The following FLRT1 variants were observed in gnomAD, a reference collection of about 807,000 sequenced individuals.
FLRT1 encodes leucine-rich repeat transmembrane protein FLRT1.
Under a neutral mutation model 30.9 loss-of-function variants are expected in FLRT1, and 14 were observed. That is an observed-to-expected ratio of 0.45 (90% CI 0.30 to 0.71). The LOEUF is 0.71. FLRT1 is among the 30% of genes least tolerant of loss of function. FLRT1 has a pLI of 0.08. For synonymous variants in FLRT1, 368 were observed against 430.4 expected, an observed-to-expected ratio of 0.85 and a Z score of 1.80; for missense variants, 737 against 949.2, an observed-to-expected ratio of 0.78 and a Z score of 2.94.
chr11:64,079,642 C>G (rs1944269797), intron 1 of FLRT1, among the ~76,000 whole-genome samples: 1 of 152,182 alleles, frequency 6.6e-6, no homozygotes, highest in Admixed American at 6.5e-5. Context: ...CTAGAGGCCC[C>G]TCACTCAAAG....
intron 1 of FLRT1, among the ~76,000 whole-genome samples, chr11:64,094,225 G>A (rs755551377): frequency 7.2e-5 from 11 of 152,206 alleles, no homozygotes; most frequent in Non-Finnish European, 1.5e-4. Context: ...AAGGTCAGGA[G>A]TTCAAGACCA....
chr11:64,117,077 C>A lies in FLRT1; in HGVS notation c.810C>A (p.Ala270=), dbSNP rs1166864086. The A allele has an allele frequency of 6.2e-7, 1 of 1,602,722 alleles. No individual in the cohort carries two copies. Among genetic ancestry groups the A allele is most frequent in the Non-Finnish European group, 8.5e-7 (1 of 1,174,902 alleles). ...CGCCACCCCTCAACCTGCCCAGCGC[C>A]CACCTGCAGAAGCTCTACCTGCAGG... ...LAAPPLNLPS[A]HLQKLYLQDN... The change falls in exon 3 of 3, where the codon GCC becomes GCA. Residue 270 remains alanine, a synonymous_variant. Coordinates refer to ENST00000682287, the MANE Select transcript of FLRT1 (RefSeq NM_013280.5).
At position 64,096,244 on chromosome 11, in the gene FLRT1, C is replaced by G. The variant is rs1041190479; in HGVS notation, c.-1037-6950C>G. 6.6e-6 allele frequency among the ~76,000 whole-genome samples: 1 copy of G among 152,308 alleles called. No individual in the cohort carries two copies. Among genetic ancestry groups the G allele is most frequent in the East Asian group, 1.9e-4 (1 of 5,184 alleles). ...GGGGGTCGAACAGCCACTGTTCTGC[C>G]GACAAAAGCAGGCCAATTTCCTGAA... On this transcript the variant is annotated intron_variant, in intron 1 of 2. Coordinates refer to ENST00000682287, the MANE Select transcript of FLRT1 (RefSeq NM_013280.5). The surrounding 1 kb of genome is among the most constrained non-coding windows in gnomAD (Gnocchi z 4.6).
intron 1 of FLRT1, among the ~76,000 whole-genome samples, chr11:64,092,426 G>A (rs1419224769): frequency 6.6e-6 from 1 of 152,222 alleles, no homozygotes; most frequent in Non-Finnish European, 1.5e-5. Context: ...GCCTATGGAG[G>A]GCTGGTGGGG....
In FLRT1 at chr11:64,099,906, T is replaced by C. The variant is rs546091190; in HGVS notation, c.-1037-3288T>C. ...AGAAATGGAGGGAGAGATGGAAGGATGGAGGGATGGATGGATGGAGGGGTG... is the reference window on the plus strand; with the variant it reads ...AGAAATGGAGGGAGAGATGGAAGGACGGAGGGATGGATGGATGGAGGGGTG... On this transcript the variant is annotated intron_variant, in intron 1 of 2. Coordinates refer to ENST00000682287, the MANE Select transcript of FLRT1 (RefSeq NM_013280.5). Among the ~76,000 whole-genome samples the C allele has an allele frequency of 2.0e-5, 3 of 151,444 alleles. No homozygotes were observed. In the East Asian group the frequency reaches 5.8e-4, roughly 29 times the overall value.
Position 64,061,314 on chromosome 11 carries a change from T to C in FLRT1, c.-1038+25155T>C, listed in dbSNP as rs189426550. ...GCGCCGACTTTGCAGCCGTCTGCCC[T>C]TCCTTCACGCTGAGCCTCCGCCCCC... On this transcript the variant is annotated intron_variant, in intron 1 of 2. Coordinates refer to ENST00000682287, the MANE Select transcript of FLRT1 (RefSeq NM_013280.5). Among the ~76,000 whole-genome samples the C allele has an allele frequency of 2.6e-5, 4 of 152,324 alleles. No individual in the cohort carries two copies. The East Asian group carries it at 7.7e-4, about 29-fold the overall frequency.
At chr11:64,115,434 G>A (rs1944960364) in intron 2 of FLRT1, among the ~76,000 whole-genome samples, 1 of 151,756 alleles carries the variant, frequency 6.6e-6, no homozygotes, top group Non-Finnish European at 1.5e-5. Context: ...GGGGCAAGGT[G>A]TGGGACAATT....
intron 2 of FLRT1, among the ~76,000 whole-genome samples, chr11:64,111,304 G>T (rs1023190012): frequency 1.3e-5 from 2 of 152,232 alleles, no homozygotes; most frequent in African/African-American, 2.4e-5. Flanking sequence ...AGACCAGGTT[G>T]GGGGTAATCC....
At chr11:64,076,746 T>C (rs1228701440) in intron 1 of FLRT1, among the ~76,000 whole-genome samples, 1 of 152,204 alleles carries the variant, frequency 6.6e-6, no homozygotes, top group Non-Finnish European at 1.5e-5. Context: ...AACACTGCGA[T>C]GAGCATGTTG....
chr11:64,080,757 G>T (rs113508555), intron 1 of FLRT1, among the ~76,000 whole-genome samples: 2 of 152,170 alleles, frequency 1.3e-5, no homozygotes, highest in African/African-American at 4.8e-5. Flanking sequence ...GGATCCAGGG[G>T]TGGCTTTTAG....
chr11:64,042,715 G>A (rs1943511968), intron 1 of FLRT1, among the ~76,000 whole-genome samples: 1 of 152,190 alleles, frequency 6.6e-6, no homozygotes, highest in Non-Finnish European at 1.5e-5. Context: ...ACAGTGGGGT[G>A]CTTCATGCCT....
chr11:64,104,969 T>A (rs1264202403), intron 2 of FLRT1, among the ~76,000 whole-genome samples: 1 of 151,660 alleles, frequency 6.6e-6, no homozygotes, highest in Non-Finnish European at 1.5e-5. Context: ...AAGCCCCAAT[T>A]CATTACCAAG....
rs1411464395 is a variant in FLRT1, at chr11:64,116,274, G to A, written c.7G>A (p.Val3Met). 2.5e-6 allele frequency: 4 copies of A among 1,596,426 alleles called. No individual in the cohort carries two copies. The highest frequency in any genetic ancestry group is 3.4e-6 in the Non-Finnish European group (4 of 1,174,244). Residue 3 changes from valine to methionine, a missense_variant, in exon 3 of 3, where the codon GTG becomes ATG. Val to Met is a conservative substitution (Grantham distance 21). Coordinates refer to ENST00000682287, the MANE Select transcript of FLRT1 (RefSeq NM_013280.5). MV[V>M]AHPTATATTT... ...ACGCCCCCAGCCATCCACCATGGTGGTGGCACACCCCACCGCCACTGCCAC... is the reference window on the plus strand; with the variant it reads ...ACGCCCCCAGCCATCCACCATGGTGATGGCACACCCCACCGCCACTGCCAC...
chr11:64,115,816 T>C (rs937614695), intron 2 of FLRT1, among the ~76,000 whole-genome samples: 1 of 152,124 alleles, frequency 6.6e-6, no homozygotes, highest in African/African-American at 2.4e-5. Flanking sequence ...ATCCCATCCA[T>C]ATTGACTGGT....
At chr11:64,076,919 G>A (rs1944212281) in intron 1 of FLRT1, among the ~76,000 whole-genome samples, 1 of 152,212 alleles carries the variant, frequency 6.6e-6, no homozygotes. Context: ...ACTTCTTCAT[G>A]TGGAAGGGAT....
chr11:64,118,418 GAAAGC>G lies in FLRT1; in HGVS notation c.*131_*135del. 8.1e-7 allele frequency: 1 copy of G among 1,239,232 alleles called. No homozygotes were observed. Among genetic ancestry groups the G allele is most frequent in the Non-Finnish European group, 1.1e-6 (1 of 937,044 alleles). The allele number at this position is 1,239,232 out of a possible 1,614,324, so 76.8% of individuals were successfully genotyped here. A position where few individuals can be genotyped will look rare whatever the true frequency, so the allele number is the denominator to read the frequency against. Reference sequence around the variant, plus strand: ...ATTCCATGGGTGACTTTCCTCCGCAGAAAGCAAAGTTTGGGGAGGGCTGACGATTT... The same window carrying G: ...ATTCCATGGGTGACTTTCCTCCGCAGAAAGTTTGGGGAGGGCTGACGATTT... On this transcript the variant is annotated 3_prime_UTR_variant, in exon 3 of 3. Coordinates refer to ENST00000682287, the MANE Select transcript of FLRT1 (RefSeq NM_013280.5).
chr11:64,092,437 C>G (rs910572615), intron 1 of FLRT1, among the ~76,000 whole-genome samples: 1 of 152,182 alleles, frequency 6.6e-6, no homozygotes, highest in East Asian at 1.9e-4. Flanking sequence ...GCTGGTGGGG[C>G]CTCCCAGGGG....
chr11:64,109,826 C>T (rs1944828190), intron 2 of FLRT1, among the ~76,000 whole-genome samples: 1 of 152,126 alleles, frequency 6.6e-6, no homozygotes, highest in Non-Finnish European at 1.5e-5. Flanking sequence ...CAGGGGGCAA[C>T]ACCTCAGCTT....
chr11:64,099,804 G>A (rs2134552860), intron 1 of FLRT1, among the ~76,000 whole-genome samples: 1 of 151,878 alleles, frequency 6.6e-6, no homozygotes, highest in East Asian at 1.9e-4. Flanking sequence ...AGGAAGGATG[G>A]ACGGATGGAG....
Sources: gnomAD v4.1 joint callset for allele counts (sites outside exome capture counted in the v4.1 genomes callset) on GRCh38, gnomAD v4.1.1 for gene constraint, Gnocchi (gnomAD v3.1) non-coding constraint, MANE v1.5 for transcripts, NCBI Gene and HGNC (gene_info 2026-07-23, HGNC 2026-07-21) for gene names.